ZNF385D: variants seen among roughly 807,000 people sequenced by gnomAD.
ZNF385D encodes the protein zinc finger protein 659.
ZNF385D carries 15 observed loss-of-function variants against 35.8 expected under a neutral mutation model. The observed-to-expected ratio is 0.42, with a 90% confidence interval of 0.28 to 0.64. ZNF385D has a LOEUF of 0.64. Ranked by LOEUF, ZNF385D falls within the 30% of genes least tolerant of loss-of-function variation. The probability of loss-of-function intolerance (pLI) is 0.23; values close to 1 mark genes in which losing one functional copy is unlikely to be tolerated. For synonymous variants in ZNF385D, 212 were observed against 186.8 expected, an observed-to-expected ratio of 1.13 and a Z score of -1.10; for missense variants, 474 against 494.6, an observed-to-expected ratio of 0.96 and a Z score of 0.39.
chr3:22,236,673 C>T (rs1375248476), intron 2 of ZNF385D, among the ~76,000 whole-genome samples: 1 of 152,160 alleles, frequency 6.6e-6, no homozygotes, highest in Non-Finnish European at 1.5e-5. Flanking sequence ...ATTTTCATCA[C>T]TACAAAATGA....
chr3:21,636,911 T>C (rs1189794580), intron 2 of ZNF385D, among the ~76,000 whole-genome samples: 2 of 152,130 alleles, frequency 1.3e-5, no homozygotes, highest in Admixed American at 6.6e-5. Flanking sequence ...TTGAGAATTG[T>C]CTATTCATGT....
upstream of ZNF385D, among the ~76,000 whole-genome samples, chr3:21,753,102 G>A (rs941263641): frequency 6.6e-6 from 1 of 152,152 alleles, no homozygotes; most frequent in Non-Finnish European, 1.5e-5. Flanking sequence ...GCATTTGCAT[G>A]ACATTTTACA....
intron 3 of ZNF385D, among the ~76,000 whole-genome samples, chr3:21,848,554 A>T (rs2630802): frequency 0.2 from 30,537 of 151,926 alleles, 3,600 homozygotes; most frequent in Middle Eastern, 0.33. Flanking sequence ...AAAAGGAGAC[A>T]TTAAAATCAA....
chr3:21,622,378 G>C (rs1380456648), intron 2 of ZNF385D, among the ~76,000 whole-genome samples: 1 of 152,034 alleles, frequency 6.6e-6, no homozygotes, highest in African/African-American at 2.4e-5. Context: ...ACTTAGTTTG[G>C]TACTGAACCT....
intron 4 of ZNF385D, among the ~76,000 whole-genome samples, chr3:21,501,353 C>T (rs1706349765): frequency 1.3e-5 from 2 of 152,150 alleles, no homozygotes; most frequent in Admixed American, 1.3e-4. Context: ...CCCTGGTGTT[C>T]CTCTACTCAT....
chr3:21,831,652 A>G (rs1000834261), intron 3 of ZNF385D, among the ~76,000 whole-genome samples: 2 of 152,142 alleles, frequency 1.3e-5, no homozygotes, highest in African/African-American at 4.8e-5. Flanking sequence ...AGAAGCATAG[A>G]TAATTGGAAC....
At chr3:22,195,097 G>A (rs1696320341) in intron 2 of ZNF385D, among the ~76,000 whole-genome samples, 1 of 151,814 alleles carries the variant, frequency 6.6e-6, no homozygotes, top group African/African-American at 2.4e-5. Context: ...CAATTTATGA[G>A]AGTTCCAATT....
intron 3 of ZNF385D, among the ~76,000 whole-genome samples, chr3:22,084,425 A>G (rs1700921892): frequency 6.6e-6 from 1 of 152,192 alleles, no homozygotes; most frequent in Non-Finnish European, 1.5e-5. Flanking sequence ...AGGGGTTGCA[A>G]TCCTAGTCTC....
At chr3:22,077,072 A>G (rs1428370525) in intron 3 of ZNF385D, among the ~76,000 whole-genome samples, 2 of 151,976 alleles carry the variant, frequency 1.3e-5, no homozygotes, top group Non-Finnish European at 2.9e-5. Flanking sequence ...CTTAATACCC[A>G]TAATAACCAT....
At chr3:21,561,892 C>G (rs939480522) in intron 3 of ZNF385D, 1 of 152,146 alleles carries the variant, frequency 6.6e-6, no homozygotes, top group African/African-American at 2.4e-5. Context: ...TGCAGAGACA[C>G]AAAGTGAGCT....
At chr3:22,028,175 C>T (rs1259363100) in intron 3 of ZNF385D, among the ~76,000 whole-genome samples, 1 of 152,202 alleles carries the variant, frequency 6.6e-6, no homozygotes, top group East Asian at 1.9e-4. Context: ...GGATGGTCAC[C>T]TCTAAGTGGT....
intron 2 of ZNF385D, among the ~76,000 whole-genome samples, chr3:21,644,893 G>C (rs149259863): frequency 2.0e-5 from 3 of 152,246 alleles, no homozygotes; most frequent in African/African-American, 7.2e-5. Context: ...TCAGCACCTA[G>C]ATGAAATGCC....
intron 3 of ZNF385D, among the ~76,000 whole-genome samples, chr3:22,028,403 C>T (rs911552539): frequency 1.3e-5 from 2 of 152,182 alleles, no homozygotes; most frequent in African/African-American, 4.8e-5. Flanking sequence ...ACATGTACTT[C>T]CACTCACCAA....
intron 2 of ZNF385D, among the ~76,000 whole-genome samples, chr3:22,290,844 C>T (rs1480749835): frequency 6.6e-6 from 1 of 152,100 alleles, no homozygotes; most frequent in Non-Finnish European, 1.5e-5. Context: ...TGATGTCATC[C>T]TACATGCGGG....
chr3:22,116,366 A>G (rs1394162052), intron 3 of ZNF385D, among the ~76,000 whole-genome samples: 1 of 152,020 alleles, frequency 6.6e-6, no homozygotes, highest in Non-Finnish European at 1.5e-5. Flanking sequence ...TTTCCATTAA[A>G]TTAAGAAGAT....
chr3:22,019,180 C>T (rs1313765019), intron 3 of ZNF385D, among the ~76,000 whole-genome samples: 1 of 150,784 alleles, frequency 6.6e-6, no homozygotes, highest in Non-Finnish European at 1.5e-5. Context: ...CTGTGCCAAT[C>T]TGTAATATTA....
At chr3:21,980,525 C>A (rs2125367631) in intron 3 of ZNF385D, among the ~76,000 whole-genome samples, 2 of 152,254 alleles carry the variant, frequency 1.3e-5, no homozygotes, top group Admixed American at 1.3e-4. Flanking sequence ...CATGAAATTG[C>A]TGATTTTGTA....
chr3:21,978,015 C>A (rs776543884), intron 3 of ZNF385D, among the ~76,000 whole-genome samples: 3 of 152,114 alleles, frequency 2.0e-5, no homozygotes, highest in Non-Finnish European at 4.4e-5. Context: ...ACTAGATACA[C>A]CAGATATTAA....
chr3:21,427,985 T>C (rs1195463338), intron 5 of ZNF385D, among the ~76,000 whole-genome samples: 1 of 152,106 alleles, frequency 6.6e-6, no homozygotes, highest in Non-Finnish European at 1.5e-5. Context: ...CTATTCACCA[T>C]TAAATGGAGT....
Sources: allele counts gnomAD v4.1 joint callset (sites outside exome capture counted in the v4.1 genomes callset), GRCh38; gene constraint gnomAD v4.1.1; transcripts MANE v1.5; gene names NCBI Gene and HGNC (gene_info 2026-07-23, HGNC 2026-07-21).